TTC33: variants seen among roughly 807,000 people sequenced by gnomAD.
The protein encoded by TTC33 is tetratricopeptide repeat domain 33.
TTC33 carries 24 observed loss-of-function variants against 29.4 expected under a neutral mutation model. The ratio of observed to expected loss-of-function variants is 0.82; its 90% CI spans 0.59 to 1.15. TTC33 has a LOEUF of 1.15. Ranked by LOEUF, TTC33 falls within the 50% of genes most tolerant of loss-of-function variation. TTC33 has a pLI of 0.00. For missense variants in TTC33, 286 were observed against 310.4 expected, an observed-to-expected ratio of 0.92 and a Z score of 0.59; for synonymous variants, 107 against 100.3, an observed-to-expected ratio of 1.07 and a Z score of -0.40.
At chr5:40,731,336 G>T (rs766344587) in intron 2 of TTC33, among the ~76,000 whole-genome samples, 2 of 149,870 alleles carry the variant, frequency 1.3e-5, no homozygotes, top group African/African-American at 2.5e-5. Context: ...CACATATCAT[G>T]CCTTTGTTAG....
intron 1 of TTC33, among the ~76,000 whole-genome samples, chr5:40,747,308 T>TC (rs1291358056): frequency 6.6e-6 from 1 of 152,190 alleles, no homozygotes; most frequent in Non-Finnish European, 1.5e-5. Flanking sequence ...TCTGCCCATC[T>TC]CGGTCTCCCA....
At chr5:40,727,030 T>A (rs889194261) in intron 4 of TTC33, among the ~76,000 whole-genome samples, 1 of 152,210 alleles carries the variant, frequency 6.6e-6, no homozygotes, top group Non-Finnish European at 1.5e-5. Context: ...ATTTAGATTA[T>A]CATTAACTTA....
intron 2 of TTC33, among the ~76,000 whole-genome samples, chr5:40,736,979 C>T (rs1742566491): frequency 6.6e-6 from 1 of 152,118 alleles, no homozygotes; most frequent in South Asian, 2.1e-4. Context: ...CATGAATACT[C>T]TAAGGTAAGA....
At chr5:40,720,448 T>G (rs568341864) in intron 4 of TTC33, among the ~76,000 whole-genome samples, 1 of 152,368 alleles carries the variant, frequency 6.6e-6, no homozygotes, top group African/African-American at 2.4e-5. Flanking sequence ...TGATTACTAA[T>G]GCTTTCATAT....
intron 2 of TTC33, among the ~76,000 whole-genome samples, chr5:40,738,604 T>TAAAAA (rs1258735058): frequency 1.4e-5 from 2 of 141,408 alleles, no homozygotes; most frequent in Admixed American, 6.9e-5. Flanking sequence ...TAAAATAAAA[T>TAAAAA]AAAAAAGTGA....
intron 4 of TTC33, among the ~76,000 whole-genome samples, chr5:40,724,355 C>T (rs1015271277): frequency 2.6e-5 from 4 of 152,124 alleles, no homozygotes; most frequent in African/African-American, 9.7e-5. Flanking sequence ...AATTGTGAGG[C>T]AAGGCACAGT....
intron 4 of TTC33, among the ~76,000 whole-genome samples, chr5:40,722,845 C>T (rs1472961461): frequency 1.3e-5 from 2 of 151,630 alleles, no homozygotes; most frequent in East Asian, 3.9e-4. Flanking sequence ...CGGCCAGCTG[C>T]CCCGTCCGGG....
At chr5:40,716,797 A>G (rs1156848500) in intron 4 of TTC33, among the ~76,000 whole-genome samples, 1 of 152,248 alleles carries the variant, frequency 6.6e-6, no homozygotes, top group Non-Finnish European at 1.5e-5. Context: ...TAGACCAGTA[A>G]GTATGTACAT....
intron 2 of TTC33, among the ~76,000 whole-genome samples, chr5:40,742,756 G>A (rs1261565681): frequency 6.6e-6 from 1 of 152,204 alleles, no homozygotes; most frequent in Admixed American, 6.5e-5. Context: ...CATTCGGGAG[G>A]AGGGTGAGAA....
rs1464299135 is a variant in TTC33 at position 40,711,755 on chromosome 5, G to C, written c.*4390C>G. 1.3e-5 allele frequency among the ~76,000 whole-genome samples: 2 copies of C among 152,040 alleles called. No individual in the cohort carries two copies. Among genetic ancestry groups the C allele is most frequent in the Admixed American group, 6.6e-5 (1 of 15,246 alleles). On this transcript the variant is annotated 3_prime_UTR_variant, in exon 5 of 5. Coordinates refer to ENST00000337702, the MANE Select transcript of TTC33 (RefSeq NM_012382.3). ...TGATAACATGGATGAATCTCAACAT[G>C]GATGGGTTTCAAAAGCATCATGTTA... is the stretch of plus-strand genomic sequence containing the variant.
At chr5:40,746,068 C>A (rs1161216698) in intron 2 of TTC33, among the ~76,000 whole-genome samples, 1 of 152,128 alleles carries the variant, frequency 6.6e-6, no homozygotes, top group Non-Finnish European at 1.5e-5. Flanking sequence ...GTATTAGATA[C>A]AGACACAGTT....
In TTC33 at chr5:40,716,236, A is replaced by C; in HGVS notation, c.698T>G (p.Ile233Ser). The C allele has an allele frequency of 6.2e-7, 1 of 1,614,216 alleles. No homozygotes were observed. The highest frequency in any genetic ancestry group is 8.5e-7 in the Non-Finnish European group (1 of 1,180,040). ...CTCTATGGCCCCAGAAGCAGACACA[A>C]TAACCATTGTTTTATTTGCTGAAAC... ...KTVSANKTMV[I>S]VSASGAIETV... Residue 233 changes from isoleucine to serine, a missense_variant, in exon 5 of 5, where the codon ATT becomes AGT. Transcript: ENST00000337702.
intron 4 of TTC33, among the ~76,000 whole-genome samples, chr5:40,724,926 C>T (rs1742244452): frequency 6.7e-6 from 1 of 149,822 alleles, no homozygotes; most frequent in Non-Finnish European, 1.5e-5. Context: ...GATCTCAGCT[C>T]ACTGCAACCT....
Position 40,714,941 on chromosome 5 carries a change from T to C in TTC33, c.*1204A>G, listed in dbSNP as rs1741969238. On this transcript the variant is annotated 3_prime_UTR_variant, in exon 5 of 5. Transcript: ENST00000337702. ...ACCCAACAGTTCTATATTATTGTAC[T>C]ACAATATATAGTATAAAAATAATAG... 1 of 152,086 alleles carries C rather than the reference T, an allele frequency of 6.6e-6. No homozygotes were observed. The highest frequency in any genetic ancestry group is 2.4e-5 in the African/African-American group (1 of 41,446). 9.4% of individuals were successfully genotyped at this position (152,086 alleles called of 1,614,324 possible). A position where few individuals can be genotyped will look rare whatever the true frequency, so the allele number is the denominator to read the frequency against.
intron 2 of TTC33, among the ~76,000 whole-genome samples, chr5:40,736,781 G>T (rs1369684775): frequency 6.6e-6 from 1 of 152,082 alleles, no homozygotes; most frequent in African/African-American, 2.4e-5. Context: ...CTATGAGGTA[G>T]AAATTGACAA....
Position 40,716,152 on chromosome 5 carries a change from G to A in TTC33, c.782C>T (p.Ala261Val). 1 of 1,598,998 alleles carries A rather than the reference G, an allele frequency of 6.3e-7. No homozygotes were observed. The highest frequency in any genetic ancestry group is 8.5e-7 in the Non-Finnish European group (1 of 1,171,030). Residue 261 changes from alanine to valine, a missense_variant, in exon 5 of 5, where the codon GCC becomes GTC. By Grantham distance (64) the Ala-to-Val change is moderately conservative. Transcript: ENST00000337702. ...TPPDGSVFIK[A>V]R ...AATCCTATGCATACTGCTTCATCGG[G>A]CTTTGATAAAAACAGAGCCATCTGG...
chr5:40,730,735 G>T (rs1363185921), intron 2 of TTC33, among the ~76,000 whole-genome samples: 1 of 152,024 alleles, frequency 6.6e-6, no homozygotes, highest in Non-Finnish European at 1.5e-5. Flanking sequence ...CAAAATAAAG[G>T]ATTAGCAAAT....
At chr5:40,726,818 T>C (rs1042876043) in intron 4 of TTC33, among the ~76,000 whole-genome samples, 32 of 152,140 alleles carry the variant, frequency 2.1e-4, no homozygotes, top group Admixed American at 1.8e-3. Flanking sequence ...GATGTATAAA[T>C]TTTTAATAAG....
At chr5:40,722,595 G>A (rs1323012933) in intron 4 of TTC33, among the ~76,000 whole-genome samples, 3 of 151,398 alleles carry the variant, frequency 2.0e-5, no homozygotes, top group South Asian at 2.1e-4. Flanking sequence ...CTGACCGGCC[G>A]CCCCGTCTGA....
Sources: gnomAD v4.1 joint callset for allele counts (sites outside exome capture counted in the v4.1 genomes callset) on GRCh38, gnomAD v4.1.1 for gene constraint, MANE v1.5 for transcripts, NCBI Gene and HGNC (gene_info 2026-07-23, HGNC 2026-07-21) for gene names.